Variants in XKR4 observed in about 807,000 individuals in gnomAD.
XKR4 encodes the protein XK-related protein 4.
XKR4 carries 12 observed loss-of-function variants against 53.9 expected under a neutral mutation model. That is an observed-to-expected ratio of 0.22 (90% confidence interval 0.14 to 0.36). The LOEUF is 0.36. Among genes scored for constraint, XKR4 ranks in the 10% least tolerant of loss-of-function variants. The probability of loss-of-function intolerance (pLI) is 1.00; values close to 1 mark genes in which losing one functional copy is unlikely to be tolerated. For synonymous variants in XKR4, 354 were observed against 362.4 expected (o/e 0.98, Z 0.26); for missense variants, 799 against 859.5 (o/e 0.93, Z 0.88).
intron 2 of XKR4, among the ~76,000 whole-genome samples, chr8:55,404,634 A>G (rs541712143): frequency 5.9e-5 from 9 of 152,366 alleles, no homozygotes; most frequent in Admixed American, 3.9e-4. Flanking sequence ...ATAAATAGTA[A>G]GTCCAACAGT....
At chr8:55,451,474 G>A (rs1035273307) in intron 2 of XKR4, 17 of 1,229,026 alleles carry the variant, frequency 1.4e-5, no homozygotes, top group African/African-American at 7.5e-5. Context: ...CAGGCTACTC[G>A]AGTCTGCCTG....
Position 55,102,215 on chromosome 8 carries a change from G to A in XKR4, c.-274G>A, listed in dbSNP as rs573658933. Among the ~76,000 whole-genome samples, 113 of 146,280 alleles carry A rather than the reference G, an allele frequency of 7.7e-4. No homozygotes were observed. The highest frequency in any genetic ancestry group is 3.9e-3 in the Admixed American group (58 of 14,742). ...CGGCGAGGAGCGCGGGCGGCGGGCA[G>A]GGGCGCGCGCGGGGCGCCGCGAGCA... On this transcript the variant is annotated 5_prime_UTR_variant, in exon 1 of 3. Transcript: ENST00000327381. This position sits in a 1 kb window ranked among gnomAD's most constrained non-coding sequence, Gnocchi z 5.1.
chr8:55,224,981 A>G (rs1206568373), intron 1 of XKR4, among the ~76,000 whole-genome samples: 3 of 152,216 alleles, frequency 2.0e-5, no homozygotes, highest in Non-Finnish European at 4.4e-5. Context: ...ACATATGTTG[A>G]TTTGGGTATA....
intron 1 of XKR4, among the ~76,000 whole-genome samples, chr8:55,228,016 C>G (rs1817980404): frequency 6.6e-6 from 1 of 152,204 alleles, no homozygotes; most frequent in Admixed American, 6.5e-5. Flanking sequence ...CAGCAATTCT[C>G]CTGCCTCAGC....
intron 1 of XKR4, among the ~76,000 whole-genome samples, chr8:55,191,829 A>C (rs1005766301): frequency 3.3e-5 from 5 of 152,056 alleles, no homozygotes; most frequent in Non-Finnish European, 5.9e-5. Flanking sequence ...TTTGACTTTA[A>C]TATCCACAGC....
intron 1 of XKR4, among the ~76,000 whole-genome samples, chr8:55,210,882 T>A (rs1817721458): frequency 6.6e-6 from 1 of 152,204 alleles, no homozygotes; most frequent in East Asian, 1.9e-4. Flanking sequence ...CACCCTTTCC[T>A]CCTAGTGCAC....
intron 1 of XKR4, among the ~76,000 whole-genome samples, chr8:55,178,077 T>A (rs908229966): frequency 1.3e-5 from 2 of 152,208 alleles, no homozygotes; most frequent in Admixed American, 6.5e-5. Flanking sequence ...AATTTCTGCA[T>A]TGCCCTCTGG....
chr8:55,323,609 G>A (rs1175210643), intron 1 of XKR4, among the ~76,000 whole-genome samples: 2 of 152,328 alleles, frequency 1.3e-5, no homozygotes, highest in South Asian at 2.1e-4. Context: ...GGACATTTGG[G>A]TTGTTTCCAG....
At chr8:55,472,841 A>T (rs1033030478) in intron 2 of XKR4, among the ~76,000 whole-genome samples, 2 of 152,098 alleles carry the variant, frequency 1.3e-5, no homozygotes, top group Non-Finnish European at 2.9e-5. Flanking sequence ...AGGTAGATTT[A>T]TGCTTTGCAC....
chr8:55,386,983 G>A lies in XKR4; in HGVS notation c.1006+29106G>A, dbSNP rs949820. On this transcript the variant is annotated intron_variant, in intron 2 of 2. Coordinates refer to ENST00000327381, the MANE Select transcript of XKR4 (RefSeq NM_052898.2). Reference sequence around the variant, plus strand: ...TGCATAAAATACTATGCAAGTCACAGACACTTTATATCTTAGTCTTAATGT... The same window carrying A: ...TGCATAAAATACTATGCAAGTCACAAACACTTTATATCTTAGTCTTAATGT... Among the ~76,000 whole-genome samples, 242 of 152,224 alleles carry A rather than the reference G, an allele frequency of 1.6e-3. 5 individuals are homozygous for A. In the South Asian group the frequency reaches 0.041, roughly 26 times the overall value.
chr8:55,346,040 G>A (rs187442599), intron 1 of XKR4, among the ~76,000 whole-genome samples: 129 of 151,792 alleles, frequency 8.5e-4, no homozygotes, highest in Non-Finnish European at 1.4e-3. Context: ...GAGGAATGGA[G>A]AATCGTTGTT....
At chr8:55,515,030 T>G (rs1259488744) in intron 2 of XKR4, among the ~76,000 whole-genome samples, 1 of 152,224 alleles carries the variant, frequency 6.6e-6, no homozygotes, top group East Asian at 1.9e-4. Context: ...AAGGAAATAA[T>G]CTTCCATATT....
At chr8:55,475,382 T>A (rs1472564190) in intron 2 of XKR4, among the ~76,000 whole-genome samples, 1 of 94,696 alleles carries the variant, frequency 1.1e-5, no homozygotes, top group Non-Finnish European at 2.0e-5. Flanking sequence ...GTTTTTTGCT[T>A]ATTTTGTTGT....
At chr8:55,226,745 C>T (rs991396050) in intron 1 of XKR4, among the ~76,000 whole-genome samples, 8 of 152,292 alleles carry the variant, frequency 5.3e-5, no homozygotes, top group South Asian at 4.1e-4. Flanking sequence ...GCTGAAATCA[C>T]CTTCTAACAG....
At chr8:55,276,236 A>T (rs377171886) in intron 1 of XKR4, among the ~76,000 whole-genome samples, 14 of 152,322 alleles carry the variant, frequency 9.2e-5, no homozygotes, top group African/African-American at 3.4e-4. Flanking sequence ...GTTTATTTAA[A>T]GACATTGGTT....
rs1806931726 is a variant in XKR4 at position 55,530,197 on chromosome 8, AAGGAAG to A, written c.*5971_*5976del. The A allele has an allele frequency of 9.0e-6, 1 of 111,054 alleles. No individual in the cohort carries two copies. Among genetic ancestry groups the A allele is most frequent in the South Asian group, 3.0e-4 (1 of 3,282 alleles). The allele number at this position is 111,054 out of a possible 1,614,324, so 6.9% of individuals were successfully genotyped here. A position where few individuals can be genotyped will look rare whatever the true frequency, so the allele number is the denominator to read the frequency against. On this transcript the variant is annotated 3_prime_UTR_variant, in exon 3 of 3. Coordinates refer to ENST00000327381, the MANE Select transcript of XKR4 (RefSeq NM_052898.2). Reference sequence around the variant, plus strand: ...GAAGGAAGGAAGGAAGGAAGGAAGGAAGGAAGGAAGGAGATTTAACAAGTCTTTGAA... The same window carrying A: ...GAAGGAAGGAAGGAAGGAAGGAAGGAGAAGGAGATTTAACAAGTCTTTGAA...
chr8:55,516,444 G>A (rs7839596), intron 2 of XKR4, among the ~76,000 whole-genome samples: 1 of 152,104 alleles, frequency 6.6e-6, no homozygotes, highest in African/African-American at 2.4e-5. Flanking sequence ...AAAACTACTT[G>A]TGAGAAGATA....
intron 2 of XKR4, among the ~76,000 whole-genome samples, chr8:55,404,542 A>G (rs1023089273): frequency 6.6e-6 from 1 of 152,198 alleles, no homozygotes; most frequent in Non-Finnish European, 1.5e-5. Context: ...GCAGACAAAC[A>G]TCCATTTCCA....
intron 1 of XKR4, among the ~76,000 whole-genome samples, chr8:55,325,850 G>A (rs1321245542): frequency 6.6e-6 from 1 of 152,138 alleles, no homozygotes; most frequent in Non-Finnish European, 1.5e-5. Flanking sequence ...TTTTACAAAA[G>A]AATAAGACCT....
Sources: allele counts gnomAD v4.1 joint callset (sites outside exome capture counted in the v4.1 genomes callset), GRCh38; gene constraint gnomAD v4.1.1; non-coding constraint Gnocchi (gnomAD v3.1); transcripts MANE v1.5; gene names NCBI Gene and HGNC (gene_info 2026-07-23, HGNC 2026-07-21).